Variants in PAX7 observed in about 807,000 individuals in gnomAD.
The protein encoded by PAX7 is paired box 7.
PAX7 carries 18 observed loss-of-function variants against 50.7 expected under a neutral mutation model. That is an observed-to-expected ratio of 0.36 (90% CI 0.25 to 0.53). PAX7 has a LOEUF of 0.53. Ranked by LOEUF, PAX7 falls within the 20% of genes least tolerant of loss-of-function variation. The pLI, the probability that PAX7 is intolerant of heterozygous loss-of-function variation, is 0.93. For missense variants in PAX7, 644 were observed against 702.9 expected (o/e 0.92, Z 0.95); for synonymous variants, 310 against 290.4 (o/e 1.07, Z -0.69).
intron 7 of PAX7, among the ~76,000 whole-genome samples, chr1:18,719,614 T>C (rs1003684874): frequency 6.6e-6 from 1 of 152,226 alleles, no homozygotes; most frequent in African/African-American, 2.4e-5. Flanking sequence ...AATTGAGACA[T>C]ACTGCCCAGG....
Position 18,748,833 on chromosome 1 carries a change from C to A in PAX7, c.*3904C>A, listed in dbSNP as rs34660444. 0.055 allele frequency: 11,393 copies of A among 207,566 alleles called. 397 individuals carry two copies. Among genetic ancestry groups the A allele is most frequent in the East Asian group, 0.077 (1,068 of 13,800 alleles). The allele number at this position is 207,566 out of a possible 1,614,324, so 12.9% of individuals were successfully genotyped here. On this transcript the variant is annotated 3_prime_UTR_variant, in exon 9 of 9. Transcript: ENST00000420770. ...GTAAGCGCTTCCTCTGTAACTCAGG[C>A]GTAACTGTTATACATTAAAAGAAAT...
intron 7 of PAX7, among the ~76,000 whole-genome samples, chr1:18,728,659 G>A (rs1360404639): frequency 6.7e-6 from 1 of 149,504 alleles, no homozygotes; most frequent in East Asian, 2.0e-4. Flanking sequence ...TCAGGAGTTC[G>A]AGACCAGCGT....
At chr1:18,681,065 G>C (rs549201628) in intron 4 of PAX7, among the ~76,000 whole-genome samples, 39 of 150,154 alleles carry the variant, frequency 2.6e-4, no homozygotes, top group Admixed American at 2.3e-3. Context: ...TACTCGGAAG[G>C]CTGAGGCAGG....
intron 4 of PAX7, among the ~76,000 whole-genome samples, chr1:18,640,879 C>A (rs1330787204): frequency 1.4e-5 from 2 of 146,752 alleles, no homozygotes; most frequent in Admixed American, 6.8e-5. Context: ...GAGGGGCGTG[C>A]GGAGCTGGGA....
At position 18,636,298 on chromosome 1, in the gene PAX7, T is replaced by C; in HGVS notation, c.513T>C (p.Asp171=). Residue 171 remains aspartate (D), a synonymous_variant, in exon 4 of 9, where the codon GAT becomes GAC. Transcript: ENST00000420770. This position sits in a 1 kb window ranked among gnomAD's most constrained non-coding sequence, Gnocchi z 5.1. ...AGTTCGGGAAGAAAGAGGAGGAGGATGAAGCGGACAAGAAGGAGGACGACG... is the reference window on the plus strand; with the variant it reads ...AGTTCGGGAAGAAAGAGGAGGAGGACGAAGCGGACAAGAAGGAGGACGACG... ...RIKFGKKEEE[D]EADKKEDDGE... 3 of 1,614,186 alleles carry C rather than the reference T, an allele frequency of 1.9e-6. No individual in the cohort carries two copies. The highest frequency in any genetic ancestry group is 2.5e-6 in the Non-Finnish European group (3 of 1,180,004).
intron 8 of PAX7, among the ~76,000 whole-genome samples, chr1:18,740,732 C>T (rs1360710617): frequency 3.3e-5 from 5 of 152,246 alleles, no homozygotes; most frequent in Admixed American, 2.6e-4. Flanking sequence ...ATAGCCAAGA[C>T]GTAGAATCAA....
In PAX7 at chr1:18,715,314, A is replaced by G. The variant is rs142987754; in HGVS notation, c.1155+12018A>G. The stretch of plus-strand genomic sequence containing the variant: ...TGCAGTTACCACATTTTATCAGTAC[A>G]TTAAATGTATATATTGATATAAGTA... On this transcript the variant is annotated intron_variant, in intron 7 of 8. Transcript: ENST00000420770. Among the ~76,000 whole-genome samples, 942 of 152,354 alleles carry G rather than the reference A, an allele frequency of 6.2e-3. 10 individuals carry two copies. Among genetic ancestry groups the G allele is most frequent in the African/African-American group, 0.021 (883 of 41,584 alleles).
intron 4 of PAX7, among the ~76,000 whole-genome samples, chr1:18,672,609 T>G (rs2088768285): frequency 6.7e-6 from 1 of 148,598 alleles, no homozygotes; most frequent in African/African-American, 2.5e-5. Context: ...TTTTTTTTTT[T>G]TTTTTTTTGT....
rs569434401 is a variant in PAX7, at chr1:18,726,004, G to A, written c.1156-9628G>A. On this transcript the variant is annotated intron_variant, in intron 7 of 8. Transcript: ENST00000420770. The surrounding 1 kb of genome is among the most constrained non-coding windows in gnomAD (Gnocchi z 4.8). Reference sequence around the variant, plus strand: ...AGTGTGTGTGTGTGTGCGCGCGCGCGCGTGCGCGCGTGTGTGTGCGTGTGT... The same window carrying A: ...AGTGTGTGTGTGTGTGCGCGCGCGCACGTGCGCGCGTGTGTGTGCGTGTGT... 4.1e-4 allele frequency among the ~76,000 whole-genome samples: 62 copies of A among 150,910 alleles called. No individual in the cohort carries two copies. Among genetic ancestry groups the A allele is most frequent in the East Asian group, 2.7e-3 (14 of 5,156 alleles).
At chr1:18,677,000 G>A (rs576787493) in intron 4 of PAX7, among the ~76,000 whole-genome samples, 43 of 152,304 alleles carry the variant, frequency 2.8e-4, no homozygotes, top group Admixed American at 5.9e-4. Flanking sequence ...AAGCCCCCTC[G>A]TCTTTACAGC....
At chr1:18,742,148 CTTTTTTT>C (rs61248648) in intron 8 of PAX7, among the ~76,000 whole-genome samples, 5 of 103,556 alleles carry the variant, frequency 4.8e-5, no homozygotes, top group East Asian at 2.9e-4. Flanking sequence ...AATGAGGCTT[CTTTTTTT>C]TTTTTTTTTT....
At position 18,649,880 on chromosome 1, in the gene PAX7, C is replaced by G. The variant is rs529637086; in HGVS notation, c.586+13509C>G. On this transcript the variant is annotated intron_variant, in intron 4 of 8. Transcript: ENST00000420770. Reference sequence around the variant, plus strand: ...ATTCTGGAAGAGCCGCTTCATGTCTCTGGCCCCTGGTCCTTTTGTCTGAAC... The same window carrying G: ...ATTCTGGAAGAGCCGCTTCATGTCTGTGGCCCCTGGTCCTTTTGTCTGAAC... Among the ~76,000 whole-genome samples, 24 of 152,368 alleles carry G rather than the reference C, an allele frequency of 1.6e-4. 1 individual carries two copies. In the South Asian group the frequency reaches 5.0e-3, roughly 32 times the overall value.
Position 18,632,893 on chromosome 1 carries a change from G to C in PAX7, c.85+1205G>C, listed in dbSNP as rs893731077. On this transcript the variant is annotated intron_variant, in intron 1 of 8. Coordinates refer to ENST00000420770, the MANE Select transcript of PAX7 (RefSeq NM_001135254.2). The surrounding 1 kb of genome is among the most constrained non-coding windows in gnomAD (Gnocchi z 6.3). ...CGGGGATTTGCAGTGGCACTCTCCT[G>C]TAGCGAATGCAAGTAAAACAGGCGG... 6.6e-6 allele frequency among the ~76,000 whole-genome samples: 1 copy of C among 152,196 alleles called. No homozygotes were observed. The highest frequency in any genetic ancestry group is 2.4e-5 in the African/African-American group (1 of 41,450).
At chr1:18,684,627 TG>T (rs1464838706) in intron 4 of PAX7, among the ~76,000 whole-genome samples, 1 of 152,268 alleles carries the variant, frequency 6.6e-6, no homozygotes, top group African/African-American at 2.4e-5. Flanking sequence ...TTCCATTTTC[TG>T]AGACCTGCGC....
chr1:18,695,019 TATA>T (rs1192796531), intron 5 of PAX7, among the ~76,000 whole-genome samples: 1 of 152,168 alleles, frequency 6.6e-6, no homozygotes, highest in Admixed American at 6.5e-5. Flanking sequence ...TTTCCAATCG[TATA>T]ATATCTCATC....
chr1:18,717,499 A>AGCTCAGC (rs2089441817), intron 7 of PAX7, among the ~76,000 whole-genome samples: 4 of 152,020 alleles, frequency 2.6e-5, no homozygotes, highest in Non-Finnish European at 5.9e-5. Flanking sequence ...AGCTCTGCTC[A>AGCTCAGC]TCTCTCTGGT....
At chr1:18,722,558 G>C (rs577401707) in intron 7 of PAX7, among the ~76,000 whole-genome samples, 41 of 152,278 alleles carry the variant, frequency 2.7e-4, no homozygotes, top group South Asian at 8.3e-4. Flanking sequence ...TGTGGGACGC[G>C]GGGGGCTGCT....
chr1:18,716,496 TG>T (rs1218306837), intron 7 of PAX7, among the ~76,000 whole-genome samples: 18 of 53,488 alleles, frequency 3.4e-4, no homozygotes, highest in Non-Finnish European at 6.7e-4. Flanking sequence ...GTCTGTTTGT[TG>T]TTTTTTGTTT....
chr1:18,634,458 G>T lies in PAX7; in HGVS notation c.241G>T (p.Gly81Cys). ...CTCCCGACAGCTGCGTGTCTCCCAC[G>T]GCTGCGTCTCCAAGATTCTTTGCCG... Reference protein sequence around the residue: ...VISRQLRVSHGCVSKILCRYQ... With the variant: ...VISRQLRVSHCCVSKILCRYQ... The change falls in exon 2 of 9, where the codon GGC becomes TGC. Residue 81 changes from glycine to cysteine, a missense_variant. Coordinates refer to ENST00000420770, the MANE Select transcript of PAX7 (RefSeq NM_001135254.2). The surrounding 1 kb of genome is among the most constrained non-coding windows in gnomAD (Gnocchi z 4.0). The T allele has an allele frequency of 6.2e-7, 1 of 1,614,164 alleles. No homozygotes were observed. The highest frequency in any genetic ancestry group is 8.5e-7 in the Non-Finnish European group (1 of 1,180,046).
Sources: gnomAD v4.1 joint callset for allele counts (sites outside exome capture counted in the v4.1 genomes callset) on GRCh38, gnomAD v4.1.1 for gene constraint, Gnocchi (gnomAD v3.1) non-coding constraint, MANE v1.5 for transcripts, NCBI Gene and HGNC (gene_info 2026-07-23, HGNC 2026-07-21) for gene names.